KCNH8: variants seen among roughly 807,000 people sequenced by gnomAD.
KCNH8 encodes the protein potassium voltage-gated channel subfamily H member 8, also known as voltage-gated delayed rectifier potassium channel KCNH8.
A neutral mutation model predicts 103.6 loss-of-function variants in KCNH8; 70 were observed. That is an observed-to-expected ratio of 0.68 (90% CI 0.56 to 0.82). The LOEUF (loss-of-function observed/expected upper bound fraction) is 0.82, where lower values mean the gene tolerates loss of function less well. Ranked by LOEUF, KCNH8 falls within the 40% of genes least tolerant of loss-of-function variation. The pLI is 0.00. For synonymous variants in KCNH8, 498 were observed against 489.4 expected (o/e 1.02, Z -0.23); for missense variants, 1,217 against 1,329.9 (o/e 0.92, Z 1.32).
chr3:19,288,939 G>A (rs1301775617), intron 3 of KCNH8, among the ~76,000 whole-genome samples: 1 of 152,054 alleles, frequency 6.6e-6, no homozygotes, highest in African/African-American at 2.4e-5. Flanking sequence ...GTGTGAGATG[G>A]TATCTCATTG....
At chr3:19,204,195 A>G (rs2063690276) in intron 1 of KCNH8, among the ~76,000 whole-genome samples, 1 of 152,052 alleles carries the variant, frequency 6.6e-6, no homozygotes, top group Admixed American at 6.6e-5. Context: ...TCTACCGGCA[A>G]CTGAAGCTAC....
At chr3:19,518,197 G>A in intron 15 of KCNH8, 123 bp downstream of exon 15, 1 of 680,436 alleles carries the variant, frequency 1.5e-6, no homozygotes, top group South Asian at 1.9e-5. Flanking sequence ...CACCATGGGT[G>A]AATCTCTGCT....
At chr3:19,426,097 C>G (rs546498824) in intron 7 of KCNH8, among the ~76,000 whole-genome samples, 42 of 152,240 alleles carry the variant, frequency 2.8e-4, no homozygotes, top group Non-Finnish European at 3.5e-4. Context: ...TGCCTTCCAC[C>G]AAGGCCTGGG....
chr3:19,252,743 T>C (rs1291344209), intron 1 of KCNH8, among the ~76,000 whole-genome samples: 1 of 152,126 alleles, frequency 6.6e-6, no homozygotes, highest in Admixed American at 6.6e-5. Context: ...GCCAGACACT[T>C]CACTAAGCAC....
intron 3 of KCNH8, among the ~76,000 whole-genome samples, chr3:19,339,528 G>A (rs564999701): frequency 2.0e-5 from 3 of 152,124 alleles, no homozygotes; most frequent in African/African-American, 7.2e-5. Context: ...TTTAACACAC[G>A]AAGATATGAT....
At chr3:19,355,691 C>T (rs979197801) in intron 5 of KCNH8, among the ~76,000 whole-genome samples, 22 of 151,976 alleles carry the variant, frequency 1.4e-4, no homozygotes, top group Admixed American at 3.9e-4. Flanking sequence ...AATGAGAATA[C>T]TTGGACACAG....
At position 19,515,355 on chromosome 3, in the gene KCNH8, T is replaced by G; in HGVS notation, c.2469T>G (p.Ser823Arg). Residue 823 changes from serine to arginine, a missense_variant, in exon 14 of 16, where the codon AGT (serine) becomes AGG (arginine). This residue lies in a region of KCNH8 where 558 missense variants were observed against 495.8 expected (regional missense o/e 1.13). Coordinates refer to ENST00000328405, the MANE Select transcript of KCNH8 (RefSeq NM_144633.3). ...IVDGIEDGNS[S>R]EESQTFDFGS... ...ATGGAATTGAAGATGGAAACAGCAG[T>G]GAAGAAAGTCAGACTTTTGATTTTG... 1 of 1,588,120 alleles carries G rather than the reference T, an allele frequency of 6.3e-7. No individual in the cohort carries two copies.
chr3:19,438,338 C>G lies in KCNH8; in HGVS notation c.1352C>G (p.Ser451Cys). The G allele has an allele frequency of 2.5e-6, 4 of 1,613,782 alleles. No homozygotes were observed. Among genetic ancestry groups the G allele is most frequent in the Non-Finnish European group, 3.4e-6 (4 of 1,179,890 alleles). ...AATACAGATGCAGAAAAGATCTTCTCCATCTGCACCATGCTGATTGGTGGT... is the reference window on the plus strand; with the variant it reads ...AATACAGATGCAGAAAAGATCTTCTGCATCTGCACCATGCTGATTGGTGGT... Reference protein sequence around the residue: ...SANTDAEKIFSICTMLIGALM... With the variant: ...SANTDAEKIFCICTMLIGALM... Residue 451 changes from serine (S) to cysteine (C), a missense_variant, in exon 8 of 16, where the codon TCC becomes TGC. By Grantham distance (112) the Ser-to-Cys change is moderately radical. Transcript: ENST00000328405.
At chr3:19,213,808 C>CT (rs2063792622) in intron 1 of KCNH8, among the ~76,000 whole-genome samples, 1 of 152,148 alleles carries the variant, frequency 6.6e-6, no homozygotes, top group Non-Finnish European at 1.5e-5. Flanking sequence ...GCTTTGCAGG[C>CT]TTTTTCAGAA....
chr3:19,482,356 G>A (rs891185592), intron 11 of KCNH8, among the ~76,000 whole-genome samples: 2 of 152,172 alleles, frequency 1.3e-5, no homozygotes, highest in African/African-American at 4.8e-5. Context: ...TTGGGCATAA[G>A]ACAATATGAG....
chr3:19,357,860 T>C (rs143367158), intron 5 of KCNH8, among the ~76,000 whole-genome samples: 169 of 152,022 alleles, frequency 1.1e-3, no homozygotes, highest in African/African-American at 4.0e-3. Context: ...AATAAAGGGA[T>C]AAAGCTGAGA....
chr3:19,518,112 G>A, intron 15 of KCNH8, 38 bp downstream of exon 15: 1 of 1,503,060 alleles, frequency 6.7e-7, no homozygotes, highest in Non-Finnish European at 9.2e-7. Flanking sequence ...TAAATGGTAA[G>A]AGGAGATATA....
At chr3:19,204,060 T>C (rs2125219776) in intron 1 of KCNH8, among the ~76,000 whole-genome samples, 1 of 152,200 alleles carries the variant, frequency 6.6e-6, no homozygotes, top group Non-Finnish European at 1.5e-5. Flanking sequence ...TTTTAATCAT[T>C]TCAAAAATTA....
intron 1 of KCNH8, among the ~76,000 whole-genome samples, chr3:19,212,736 G>T (rs1053785187): frequency 2.6e-5 from 4 of 152,130 alleles, no homozygotes. Context: ...TACCTGGAAA[G>T]GATTTGCCTT....
intron 3 of KCNH8, among the ~76,000 whole-genome samples, chr3:19,330,320 C>A (rs2065488651): frequency 6.6e-6 from 1 of 152,124 alleles, no homozygotes; most frequent in Non-Finnish European, 1.5e-5. Flanking sequence ...TCCACAAATA[C>A]TTCCATTTAG....
At chr3:19,439,752 G>A (rs2067251860) in intron 8 of KCNH8, among the ~76,000 whole-genome samples, 1 of 151,906 alleles carries the variant, frequency 6.6e-6, no homozygotes, top group South Asian at 2.1e-4. Context: ...TAATAACAGA[G>A]GTTAAAGATA....
intron 10 of KCNH8, among the ~76,000 whole-genome samples, chr3:19,453,397 A>G (rs982394982): frequency 2.0e-5 from 3 of 152,196 alleles, no homozygotes; most frequent in African/African-American, 4.8e-5. Flanking sequence ...TAGGCCTTCT[A>G]TCAATGGATT....
intron 1 of KCNH8, among the ~76,000 whole-genome samples, chr3:19,213,707 C>T (rs942793892): frequency 2.6e-5 from 4 of 152,268 alleles, no homozygotes; most frequent in East Asian, 1.9e-4. Flanking sequence ...TCAGTGATAA[C>T]GGAATTCCTT....
At chr3:19,483,900 T>C (rs995935709) in intron 11 of KCNH8, among the ~76,000 whole-genome samples, 2 of 152,138 alleles carry the variant, frequency 1.3e-5, no homozygotes, top group Non-Finnish European at 2.9e-5. Flanking sequence ...GACTGGATCA[T>C]TTTTATTTTT....
Sources: allele counts gnomAD v4.1 joint callset (sites outside exome capture counted in the v4.1 genomes callset), GRCh38; gene constraint gnomAD v4.1.1; regional missense constraint gnomAD v4.1.1; transcripts MANE v1.5; gene names NCBI Gene and HGNC (gene_info 2026-07-23, HGNC 2026-07-21).